The following DNAH7 variants were observed in gnomAD, a reference collection of about 807,000 sequenced individuals.
The protein encoded by DNAH7 is axonemal beta dynein heavy chain 7.
In DNAH7, 397 loss-of-function variants were observed where a neutral mutation model predicts 444.6. That is an observed-to-expected ratio of 0.89 (90% CI 0.82 to 0.97). The LOEUF is 0.97. DNAH7 is among the 50% of genes least tolerant of loss of function. DNAH7 has a pLI of 0.00. For synonymous variants in DNAH7, 1,636 were observed against 1,624.4 expected (o/e 1.01, Z -0.17); for missense variants, 4,902 against 4,800.8 (o/e 1.02, Z -0.62).
At chr2:195,803,661 C>A (rs997427209) in intron 54 of DNAH7, among the ~76,000 whole-genome samples, 1 of 152,170 alleles carries the variant, frequency 6.6e-6, no homozygotes, top group Non-Finnish European at 1.5e-5. Flanking sequence ...AAGAAGTCTG[C>A]GGTCTTCTAT....
intron 15 of DNAH7, among the ~76,000 whole-genome samples, chr2:195,975,460 T>C (rs912404341): frequency 6.6e-6 from 1 of 152,134 alleles, no homozygotes; most frequent in East Asian, 1.9e-4. Context: ...GGCTAAAGTG[T>C]TCTGAGGCTC....
In DNAH7 at chr2:195,923,695, A is replaced by G; in HGVS notation, c.3725T>C (p.Leu1242Pro). 4 of 1,614,170 alleles carry G rather than the reference A, an allele frequency of 2.5e-6. No individual in the cohort carries two copies. The highest frequency in any genetic ancestry group is 3.4e-6 in the Non-Finnish European group (4 of 1,180,014). The part of the protein sequence containing the change: ...NRVTLGALVV[L>P]DVHARDVLSS... ...GAGGACATCTCTAGCATGGACATCC[A>G]GTACCACAAGTGCTCCCAGAGTTAC... Residue 1242 changes from leucine (L) to proline (P), a missense_variant, in exon 23 of 65, where the codon CTG becomes CCG. Leu to Pro is a moderately conservative substitution (Grantham distance 98, BLOSUM62 -3). Transcript: ENST00000312428.
chr2:196,027,829 G>T, intron 6 of DNAH7, 131 bp downstream of exon 6: 1 of 700,466 alleles, frequency 1.4e-6, no homozygotes, highest in Non-Finnish European at 2.2e-6. Context: ...CCTTTTTATA[G>T]AACTCTGTAT....
chr2:196,053,214 T>C (rs1170018162), intron 2 of DNAH7, among the ~76,000 whole-genome samples: 1 of 152,074 alleles, frequency 6.6e-6, no homozygotes, highest in Non-Finnish European at 1.5e-5. Flanking sequence ...GAATAAAAGG[T>C]AGGGGAAGAA....
At chr2:195,802,890 A>T (rs1251794841) in intron 54 of DNAH7, among the ~76,000 whole-genome samples, 1 of 152,076 alleles carries the variant, frequency 6.6e-6, no homozygotes, top group Non-Finnish European at 1.5e-5. Context: ...TCTGTTTGTC[A>T]TTCTACACTC....
intron 64 of DNAH7, among the ~76,000 whole-genome samples, chr2:195,739,386 G>A (rs570116481): frequency 2.0e-5 from 3 of 152,250 alleles, no homozygotes; most frequent in East Asian, 1.9e-4. Flanking sequence ...CCAGAATCCT[G>A]CAAAGAAAAT....
At chr2:195,754,646 GAAT>G in intron 62 of DNAH7, 132 bp from the exon 63 acceptor site, 1 of 821,886 alleles carries the variant, frequency 1.2e-6, no homozygotes, top group Non-Finnish European at 1.9e-6. Flanking sequence ...AAGTAGCTGG[GAAT>G]ACAGGCACAT....
intron 46 of DNAH7, among the ~76,000 whole-genome samples, chr2:195,852,183 A>G (rs367726240): frequency 2.6e-5 from 4 of 152,080 alleles, no homozygotes; most frequent in East Asian, 1.9e-4. Flanking sequence ...GCGTGAACCC[A>G]GGAGGTGGAG....
chr2:196,030,763 C>A (rs981325670), intron 5 of DNAH7, among the ~76,000 whole-genome samples: 2 of 152,390 alleles, frequency 1.3e-5, no homozygotes, highest in East Asian at 3.9e-4. Context: ...CCAGGTCTCA[C>A]ATCCAGGTCA....
At chr2:195,811,557 C>T (rs1468668810) in intron 51 of DNAH7, among the ~76,000 whole-genome samples, 2 of 152,016 alleles carry the variant, frequency 1.3e-5, no homozygotes, top group Admixed American at 6.6e-5. Flanking sequence ...TGCCATGTCA[C>T]CCAGGCTGGT....
At chr2:195,995,076 C>T (rs1693606726) in intron 12 of DNAH7, 4 of 258,364 alleles carry the variant, frequency 1.5e-5, no homozygotes, top group Non-Finnish European at 3.0e-5. Flanking sequence ...ACTACAGGCA[C>T]ACACCACCAT....
At chr2:195,852,288 ACAC>A (rs1217668226) in intron 46 of DNAH7, among the ~76,000 whole-genome samples, 1 of 151,820 alleles carries the variant, frequency 6.6e-6, no homozygotes, top group East Asian at 1.9e-4. Context: ...AAAAAGAAAA[ACAC>A]CACCACCAAG....
rs1044295259 is a variant in DNAH7, at chr2:195,883,454, C to A, written c.5763+1131G>T. Among the ~76,000 whole-genome samples the A allele has an allele frequency of 6.9e-5, 10 of 144,680 alleles. No homozygotes were observed. The East Asian group carries it at 1.8e-3, about 26-fold the overall frequency. The allele number at this position is 144,680 out of a possible 152,430, so 94.9% of individuals were successfully genotyped here. A position where few individuals can be genotyped will look rare whatever the true frequency, so the allele number is the denominator to read the frequency against. ...CACAGCGAGACTCAGTCCCCGCTCC[C>A]CCCCCCCAAAAAAAAAGAATCAGAA... is the stretch of plus-strand genomic sequence containing the variant. On this transcript the variant is annotated intron_variant, in intron 35 of 64. Coordinates refer to ENST00000312428, the MANE Select transcript of DNAH7 (RefSeq NM_018897.3).
At position 195,737,775 on chromosome 2, in the gene DNAH7, G is replaced by C. The variant is rs549312359; in HGVS notation, c.*146C>G. The C allele has an allele frequency of 1.0e-5, 7 of 668,968 alleles. No homozygotes were observed. Among genetic ancestry groups the C allele is most frequent in the Non-Finnish European group, 1.2e-5 (5 of 402,216 alleles). The allele number at this position is 668,968 out of a possible 1,614,324, so 41.4% of individuals were successfully genotyped here. A position where few individuals can be genotyped will look rare whatever the true frequency, so the allele number is the denominator to read the frequency against. ...TTAAGTATGAGTCATATTAAGTTTA[G>C]CTGCATTTGCTCATAAGTAAATTCA... On this transcript the variant is annotated 3_prime_UTR_variant, in exon 65 of 65. Transcript: ENST00000312428.
intron 47 of DNAH7, among the ~76,000 whole-genome samples, chr2:195,836,784 ATG>A (rs1698397267): frequency 6.6e-6 from 1 of 152,208 alleles, no homozygotes; most frequent in African/African-American, 2.4e-5. Flanking sequence ...TTATGTGTGA[ATG>A]TTAAACAGCA....
chr2:195,959,574 T>C (rs1690936493), intron 18 of DNAH7, among the ~76,000 whole-genome samples: 2 of 152,204 alleles, frequency 1.3e-5, no homozygotes, highest in Non-Finnish European at 2.9e-5. Context: ...CAGAGGCAGA[T>C]ACTACCAAGC....
intron 49 of DNAH7, among the ~76,000 whole-genome samples, chr2:195,818,128 T>C (rs971284689): frequency 6.6e-6 from 1 of 152,238 alleles, no homozygotes; most frequent in African/African-American, 2.4e-5. Context: ...CAAAATTCAT[T>C]AGAATCAGGT....
chr2:195,753,008 T>C (rs931644109), intron 63 of DNAH7, among the ~76,000 whole-genome samples: 4 of 152,148 alleles, frequency 2.6e-5, no homozygotes, highest in Admixed American at 1.3e-4. Flanking sequence ...ACAATTGAAA[T>C]GGCTGATTTA....
Position 195,923,632 on chromosome 2 carries a change from T to A in DNAH7, c.3788A>T (p.Asp1263Val). 6.2e-7 allele frequency: 1 copy of A among 1,614,116 alleles called. No homozygotes were observed. The highest frequency in any genetic ancestry group is 1.1e-5 in the South Asian group (1 of 91,078). Residue 1263 changes from aspartate (D) to valine (V), a missense_variant, in exon 23 of 65, where the codon GAC (aspartate) becomes GTC (valine). Coordinates refer to ENST00000312428, the MANE Select transcript of DNAH7 (RefSeq NM_018897.3). Reference protein sequence around the residue: ...LVKKNISDDSDFEWLSQLRYY... With the variant: ...LVKKNISDDSVFEWLSQLRYY... ...CCTAAGCTGACTTAACCATTCAAAG[T>A]CAGAGTCATCGCTAATATTTTTTTT...
Sources: gnomAD v4.1 joint callset for allele counts (sites outside exome capture counted in the v4.1 genomes callset) on GRCh38, gnomAD v4.1.1 for gene constraint, MANE v1.5 for transcripts, NCBI Gene and HGNC (gene_info 2026-07-23, HGNC 2026-07-21) for gene names.